The following DENND2B variants were observed in gnomAD, a reference collection of about 807,000 sequenced individuals.
The protein encoded by DENND2B is DENN domain-containing protein 2B.
DENND2B carries 32 observed loss-of-function variants against 116.0 expected under a neutral mutation model. The observed-to-expected ratio is 0.28, with a 90% CI of 0.21 to 0.37. The LOEUF (loss-of-function observed/expected upper bound fraction) is 0.37. Ranked by LOEUF, DENND2B falls within the 10% of genes least tolerant of loss-of-function variation. The pLI is 1.00. For synonymous variants in DENND2B, 588 were observed against 583.9 expected (o/e 1.01, Z -0.10); for missense variants, 1,276 against 1,477.7 (o/e 0.86, Z 2.24).
rs929435339 is a variant in DENND2B at position 8,906,219 on chromosome 11, T to C, written c.-256+4602A>G. On this transcript the variant is annotated intron_variant, in intron 1 of 22. Transcript: ENST00000534127. ...GTCTTTTTTTTCTTTTTTTTTTTTT[T>C]TTTTGAGATGGAGTCTCGCTCTGTC... Among the ~76,000 whole-genome samples, 41 of 148,048 alleles carry C rather than the reference T, an allele frequency of 2.8e-4. No homozygotes were observed. In the East Asian group the frequency reaches 7.5e-3, roughly 27 times the overall value.
At chr11:8,782,841 C>A (rs2058511734) in intron 1 of DENND2B, among the ~76,000 whole-genome samples, 1 of 143,520 alleles carries the variant, frequency 7.0e-6, no homozygotes, top group Admixed American at 7.2e-5. Context: ...GAGCCGAGAT[C>A]ACGCCACTGC....
Position 8,730,925 on chromosome 11 carries a change from G to T in DENND2B, c.365C>A (p.Ala122Asp). Residue 122 changes from alanine to aspartate, a missense_variant, in exon 3 of 20, where the codon GCC becomes GAC. This residue lies in a region of DENND2B where 856 missense variants were observed against 846.6 expected (regional missense o/e 1.01). Transcript: ENST00000313726. The surrounding 1 kb of genome is among the most constrained non-coding windows in gnomAD (Gnocchi z 4.1). Reference sequence around the variant, plus strand: ...GGCAGCGACCCCTGCTACATCCTGGGCTGCGCCTTGGACACTTTCCTTTTG... The same window carrying T: ...GGCAGCGACCCCTGCTACATCCTGGTCTGCGCCTTGGACACTTTCCTTTTG... ...DAQKESVQGA[A>D]QDVAGVAACL... 6.2e-7 allele frequency: 1 copy of T among 1,614,214 alleles called. No homozygotes were observed. The highest frequency in any genetic ancestry group is 8.5e-7 in the Non-Finnish European group (1 of 1,180,056).
At chr11:8,810,182 G>A (rs1287227730) in intron 1 of DENND2B, 1 of 151,960 alleles carries the variant, frequency 6.6e-6, no homozygotes, top group Admixed American at 6.6e-5. Context: ...AACACCACGG[G>A]AGTGATGTTA....
chr11:8,826,639 A>C lies in DENND2B; in HGVS notation c.-115+12671T>G, dbSNP rs142723431. On this transcript the variant is annotated intron_variant, in intron 4 of 6. Transcript: ENST00000524757. ...GGAACATGGAAGGCGGCCCTGATCTACAGATGAGTCATACTAAATAAACGT... is the reference window on the plus strand; with the variant it reads ...GGAACATGGAAGGCGGCCCTGATCTCCAGATGAGTCATACTAAATAAACGT... Among the ~76,000 whole-genome samples the C allele has an allele frequency of 1.8e-4, 27 of 152,360 alleles. 2 individuals are homozygous for C. The East Asian group carries it at 5.2e-3, about 29-fold the overall frequency.
chr11:8,699,139 G>C, intron 15 of DENND2B, 74 bp downstream of exon 15: 1 of 1,514,908 alleles, frequency 6.6e-7, no homozygotes. Flanking sequence ...AAGAGGCCGA[G>C]GGGCCACAAG....
At chr11:8,772,831 C>T (rs930599045) in intron 1 of DENND2B, among the ~76,000 whole-genome samples, 1 of 152,048 alleles carries the variant, frequency 6.6e-6, no homozygotes, top group South Asian at 2.1e-4. Context: ...ATCAAGCCTG[C>T]CTTTCCAGGG....
upstream of DENND2B, among the ~76,000 whole-genome samples, chr11:8,875,692 G>A (rs1035736676): frequency 3.3e-5 from 5 of 152,004 alleles, no homozygotes; most frequent in Admixed American, 2.0e-4. Context: ...GCCTCCCAAA[G>A]TGCTGGGATT....
At chr11:8,729,484 A>C (rs1022963099) in intron 3 of DENND2B, among the ~76,000 whole-genome samples, 2 of 152,204 alleles carry the variant, frequency 1.3e-5, no homozygotes, top group Non-Finnish European at 2.9e-5. Flanking sequence ...ATTGTGTTAA[A>C]TTTGCCGACA....
chr11:8,768,233 A>G (rs1485875017), intron 1 of DENND2B, among the ~76,000 whole-genome samples: 1 of 151,966 alleles, frequency 6.6e-6, no homozygotes, highest in African/African-American at 2.4e-5. Context: ...ACTTCCCTCA[A>G]GGATCTTTAA....
intron 4 of DENND2B, among the ~76,000 whole-genome samples, chr11:8,833,242 C>T (rs1004668102): frequency 1.3e-5 from 2 of 152,138 alleles, no homozygotes; most frequent in African/African-American, 4.8e-5. Context: ...AAATTATGAC[C>T]CTGTAAGGCT....
intron 2 of DENND2B, among the ~76,000 whole-genome samples, chr11:8,736,620 C>T (rs2049096096): frequency 6.6e-6 from 1 of 152,150 alleles, no homozygotes; most frequent in East Asian, 1.9e-4. Flanking sequence ...CACATGAACA[C>T]AACCCAAAGG....
chr11:8,751,386 A>C (rs1320874461), intron 1 of DENND2B, among the ~76,000 whole-genome samples: 1 of 152,168 alleles, frequency 6.6e-6, no homozygotes, highest in Admixed American at 6.5e-5. Context: ...GAATAAAAGC[A>C]GGCTGCCCAA....
chr11:8,865,475 C>T (rs528826805), intron 2 of DENND2B, among the ~76,000 whole-genome samples: 1 of 151,976 alleles, frequency 6.6e-6, no homozygotes, highest in Non-Finnish European at 1.5e-5. Context: ...AAAAGAGAGA[C>T]TTGTTAAGGA....
chr11:8,849,185 G>A (rs1393718593), intron 3 of DENND2B, among the ~76,000 whole-genome samples: 3 of 152,032 alleles, frequency 2.0e-5, no homozygotes, highest in African/African-American at 4.8e-5. Flanking sequence ...AAGCACTAGG[G>A]ATACAAAGGT....
chr11:8,893,464 G>C (rs1353939658), intron 1 of DENND2B, among the ~76,000 whole-genome samples: 1 of 152,206 alleles, frequency 6.6e-6, no homozygotes, highest in African/African-American at 2.4e-5. Context: ...AATTGTCCCT[G>C]TTTGCAGATG....
chr11:8,792,533 G>T (rs2059474234), intron 1 of DENND2B, among the ~76,000 whole-genome samples: 3 of 152,044 alleles, frequency 2.0e-5, no homozygotes, highest in Admixed American at 2.0e-4. Context: ...AACACATATG[G>T]CAAAGAGTCC....
At chr11:8,763,630 T>C (rs1054860390) in intron 1 of DENND2B, among the ~76,000 whole-genome samples, 2 of 149,500 alleles carry the variant, frequency 1.3e-5, no homozygotes, top group African/African-American at 4.9e-5. Context: ...AAACCAAGAA[T>C]ACATACTAGA....
intron 4 of DENND2B, chr11:8,835,768 T>C (rs1594173199): frequency 1.3e-5 from 2 of 152,038 alleles, no homozygotes; most frequent in Non-Finnish European, 2.9e-5. Flanking sequence ...TGGGGGAAAA[T>C]ACCAAATGCC....
At chr11:8,716,069 C>T (rs2044703983) in intron 5 of DENND2B, among the ~76,000 whole-genome samples, 1 of 152,248 alleles carries the variant, frequency 6.6e-6, no homozygotes, top group Non-Finnish European at 1.5e-5. Context: ...GCTAAAAACA[C>T]CTGTGCTCTC....
Sources: allele counts gnomAD v4.1 joint callset (sites outside exome capture counted in the v4.1 genomes callset), GRCh38; gene constraint gnomAD v4.1.1; regional missense constraint gnomAD v4.1.1; non-coding constraint Gnocchi (gnomAD v3.1); transcripts MANE v1.5; gene names NCBI Gene and HGNC (gene_info 2026-07-23, HGNC 2026-07-21).